LRTM1: variants seen among roughly 807,000 people sequenced by gnomAD.
The protein encoded by LRTM1 is leucine rich repeat transmembrane protein 1.
A neutral mutation model predicts 32.4 loss-of-function variants in LRTM1; 38 were observed. That is an observed-to-expected ratio of 1.17 (90% CI 0.91 to 1.54). The LOEUF (loss-of-function observed/expected upper bound fraction) is 1.54. Among genes scored for constraint, LRTM1 ranks in the 40% most tolerant of loss-of-function variants. The probability of loss-of-function intolerance (pLI) is 0.00; values close to 1 mark genes in which losing one functional copy is unlikely to be tolerated. For synonymous variants in LRTM1, 186 were observed against 169.9 expected, an observed-to-expected ratio of 1.09 and a Z score of -0.74; for missense variants, 466 against 415.4, an observed-to-expected ratio of 1.12 and a Z score of -1.06.
intron 1 of LRTM1, among the ~76,000 whole-genome samples, chr3:54,954,509 A>G (rs1055171147): frequency 6.6e-6 from 1 of 152,198 alleles, no homozygotes; most frequent in South Asian, 2.1e-4. Flanking sequence ...ATCAGGGTGC[A>G]TATCTTTCTG....
intron 2 of LRTM1, among the ~76,000 whole-genome samples, chr3:54,919,109 A>G (rs1700759075): frequency 6.6e-6 from 1 of 152,140 alleles, no homozygotes; most frequent in African/African-American, 2.4e-5. Flanking sequence ...GCAATTACTT[A>G]TGACCAAGAA....
intron 1 of LRTM1, among the ~76,000 whole-genome samples, chr3:54,934,058 A>T (rs1701270942): frequency 6.6e-6 from 1 of 152,206 alleles, no homozygotes; most frequent in South Asian, 2.1e-4. Context: ...GGCATGAGCC[A>T]TTGTGCCCAT....
chr3:54,922,711 T>C (rs1700889025), intron 2 of LRTM1, among the ~76,000 whole-genome samples: 1 of 152,090 alleles, frequency 6.6e-6, no homozygotes, highest in African/African-American at 2.4e-5. Flanking sequence ...CGGGCTTAAA[T>C]ATACAACCTC....
intron 1 of LRTM1, among the ~76,000 whole-genome samples, chr3:54,964,211 C>G (rs1702092823): frequency 6.6e-6 from 1 of 151,996 alleles, no homozygotes; most frequent in Admixed American, 6.6e-5. Context: ...CGGTTGTGTT[C>G]CTGGGTGGTG....
upstream of LRTM1, chr3:54,928,213 GAC>G: frequency 2.3e-6 from 1 of 428,422 alleles, no homozygotes; most frequent in East Asian, 3.7e-5. Flanking sequence ...TTCCCATTCA[GAC>G]GATGAGCCGC....
chr3:54,927,758 A>G (rs1277843695), intron 1 of LRTM1, 147 bp downstream of exon 1: 8 of 872,900 alleles, frequency 9.2e-6, no homozygotes, highest in Non-Finnish European at 1.3e-5. Context: ...GCAAACATAA[A>G]TCATTCCATG....
intron 1 of LRTM1, among the ~76,000 whole-genome samples, chr3:54,944,712 C>T (rs966154847): frequency 2.6e-5 from 4 of 151,862 alleles, no homozygotes; most frequent in African/African-American, 7.3e-5. Context: ...TGAGCCACCG[C>T]GCCCAGCCTC....
intron 1 of LRTM1, among the ~76,000 whole-genome samples, chr3:54,964,848 C>T (rs1702110136): frequency 6.6e-6 from 1 of 151,102 alleles, no homozygotes; most frequent in South Asian, 2.1e-4. Context: ...GTTTTTTGCA[C>T]TTTAAATCAT....
intron 1 of LRTM1, among the ~76,000 whole-genome samples, chr3:54,934,491 C>T (rs1016072306): frequency 2.6e-5 from 4 of 152,152 alleles, no homozygotes; most frequent in African/African-American, 7.2e-5. Flanking sequence ...TGAATATCAG[C>T]GGAGTTTGAA....
At chr3:54,933,352 A>G (rs577335333) in intron 1 of LRTM1, among the ~76,000 whole-genome samples, 38 of 152,358 alleles carry the variant, frequency 2.5e-4, no homozygotes, top group African/African-American at 7.9e-4. Flanking sequence ...AGTCTAGTTC[A>G]GGTTGACAGG....
chr3:54,957,311 T>C (rs1477785676), intron 1 of LRTM1, among the ~76,000 whole-genome samples: 2 of 151,702 alleles, frequency 1.3e-5, no homozygotes, highest in African/African-American at 4.9e-5. Flanking sequence ...TGCACTCAGC[T>C]AATTTTTTAA....
Position 54,918,720 on chromosome 3 carries a change from C to T in LRTM1, c.777G>A (p.Glu259=). 6.2e-7 allele frequency: 1 copy of T among 1,614,132 alleles called. No homozygotes were observed. The highest frequency in any genetic ancestry group is 8.5e-7 in the Non-Finnish European group (1 of 1,180,018). The change falls in exon 3 of 3, where the codon GAG becomes GAA. Residue 259 remains glutamate (E), a synonymous_variant. Transcript: ENST00000273286. The stretch of plus-strand genomic sequence containing the variant: ...GTTCTCGCTCCCCCGCGTTGTGGTT[C>T]TCAGGAGGCCTCAGGACCACACCGT... ...SAHGVVLRPP[E]NHNAGERELL...
At chr3:54,957,429 G>A (rs1226640007) in intron 1 of LRTM1, among the ~76,000 whole-genome samples, 5 of 152,080 alleles carry the variant, frequency 3.3e-5, no homozygotes, top group African/African-American at 9.7e-5. Flanking sequence ...GATTACAGGT[G>A]TGAGCCACCA....
chr3:54,929,036 C>T (rs112524368), upstream of LRTM1, among the ~76,000 whole-genome samples: 1,725 of 152,248 alleles, frequency 0.011, 12 homozygotes, highest in African/African-American at 0.02. Context: ...ACTGTGTGTA[C>T]GCTTTTATGG....
chr3:54,924,634 T>C lies in LRTM1; in HGVS notation c.589A>G (p.Lys197Glu). 1 of 1,613,730 alleles carries C rather than the reference T, an allele frequency of 6.2e-7. No individual in the cohort carries two copies. Among genetic ancestry groups the C allele is most frequent in the Admixed American group, 1.7e-5 (1 of 60,004 alleles). The change falls in exon 2 of 3, where the codon AAA becomes GAA. Residue 197 changes from lysine (K) to glutamate (E), a missense_variant. By Grantham distance (56) the Lys-to-Glu change is moderately conservative. Transcript: ENST00000273286. Reference protein sequence around the residue: ...HLLGLKLWLEKFVYKGGLTDG... With the variant: ...HLLGLKLWLEEFVYKGGLTDG... ...CATGACTGACCTTTATAGACAAATT[T>C]CTCCAGCCAGAGTTTAAGACCGAGC...
At chr3:54,941,806 G>A (rs185724175) in intron 1 of LRTM1, among the ~76,000 whole-genome samples, 74 of 152,288 alleles carry the variant, frequency 4.9e-4, no homozygotes, top group African/African-American at 1.7e-3. Context: ...AGTCCCTTGG[G>A]TCTGGGGAGA....
Position 54,921,871 on chromosome 3 carries a change from G to C in LRTM1, c.604+2748C>G, listed in dbSNP as rs17320026. ...CTGGGCTAGTCTGTTATGTCGGTTAGCCTGCCCTAATACCTGTAGTGTTTG... is the reference window on the plus strand; with the variant it reads ...CTGGGCTAGTCTGTTATGTCGGTTACCCTGCCCTAATACCTGTAGTGTTTG... On this transcript the variant is annotated intron_variant, in intron 2 of 2. Transcript: ENST00000273286. Among the ~76,000 whole-genome samples the C allele has an allele frequency of 2.3e-3, 354 of 150,950 alleles. 1 individual carries two copies. The highest frequency in any genetic ancestry group is 6.8e-3 in the Middle Eastern group (2 of 292).
At chr3:54,923,137 A>G (rs1386296308) in intron 2 of LRTM1, among the ~76,000 whole-genome samples, 2 of 152,088 alleles carry the variant, frequency 1.3e-5, no homozygotes, top group African/African-American at 2.4e-5. Flanking sequence ...TTACATTGTA[A>G]TCAGATCCTA....
intron 1 of LRTM1, among the ~76,000 whole-genome samples, chr3:54,953,208 G>A (rs953612332): frequency 5.9e-5 from 9 of 152,168 alleles, no homozygotes; most frequent in Non-Finnish European, 1.0e-4. Flanking sequence ...AGGCACAAAC[G>A]TATAAGGTGT....
Sources: allele counts gnomAD v4.1 joint callset (sites outside exome capture counted in the v4.1 genomes callset), GRCh38; gene constraint gnomAD v4.1.1; transcripts MANE v1.5; gene names NCBI Gene and HGNC (gene_info 2026-07-23, HGNC 2026-07-21).